Variants in KIF3C observed in about 807,000 individuals in gnomAD.
KIF3C encodes the protein kinesin-like protein KIF3C.
In KIF3C, 12 loss-of-function variants were observed where a neutral mutation model predicts 67.7. That is an observed-to-expected ratio of 0.18 (90% CI 0.11 to 0.29). The LOEUF (loss-of-function observed/expected upper bound fraction) is 0.29. KIF3C is among the 10% of genes least tolerant of loss of function. KIF3C has a pLI of 1.00. For missense variants in KIF3C, 789 were observed against 1,059.6 expected (o/e 0.74, Z 3.55); for synonymous variants, 393 against 426.2 (o/e 0.92, Z 0.96).
intron 1 of KIF3C, among the ~76,000 whole-genome samples, chr2:25,976,824 G>A (rs1664429820): frequency 6.6e-6 from 1 of 152,178 alleles, no homozygotes; most frequent in South Asian, 2.1e-4. Context: ...GATTACATTT[G>A]AATAAAGTAG....
rs368789999 is a variant in KIF3C at position 25,936,563 on chromosome 2, C to T, written c.2007-6500G>A. Among the ~76,000 whole-genome samples, 8 of 152,242 alleles carry T rather than the reference C, an allele frequency of 5.3e-5. No homozygotes were observed. In the East Asian group the frequency reaches 1.2e-3, roughly 22 times the overall value. On this transcript the variant is annotated intron_variant, in intron 5 of 7. Transcript: ENST00000264712. ...AGGAAATATGTATCTGTATGCCTGC[C>T]ATCCAGTTTTGTAAAGAATGCTGCT...
In KIF3C at chr2:25,931,399, G is replaced by A. The variant is rs141815051; in HGVS notation, c.2007-1336C>T. Among the ~76,000 whole-genome samples the A allele has an allele frequency of 4.6e-3, 706 of 152,034 alleles. 3 individuals carry two copies. The highest frequency in any genetic ancestry group is 0.016 in the African/African-American group (659 of 41,482). ...CTTGAACCTGGGAGGCGGAGGTTGT[G>A]GTGAGCCAAGATCACGCCATTGCAC... On this transcript the variant is annotated intron_variant, in intron 5 of 7. Coordinates refer to ENST00000264712, the MANE Select transcript of KIF3C (RefSeq NM_002254.8).
At position 25,955,780 on chromosome 2, in the gene KIF3C, T is replaced by TGGCCCAC. The variant is rs1232383621; in HGVS notation, c.1648-124_1648-118dup. ...CGGGACCTGGCTTCACCATGGCCCA[T>TGGCCCAC]GGCCCACATCCACTGCTCCCACCCA... On this transcript the variant is annotated intron_variant, in intron 2 of 7. Coordinates refer to ENST00000264712, the MANE Select transcript of KIF3C (RefSeq NM_002254.8). The surrounding 1 kb of genome is among the most constrained non-coding windows in gnomAD (Gnocchi z 5.0). The TGGCCCAC allele has an allele frequency of 1.5e-5, 19 of 1,228,880 alleles. No homozygotes were observed. Among genetic ancestry groups the TGGCCCAC allele is most frequent in the Middle Eastern group, 2.7e-4 (1 of 3,662 alleles). 76.1% of individuals were successfully genotyped at this position (1,228,880 alleles called of 1,614,324 possible).
chr2:25,964,835 C>A (rs1407294709), intron 1 of KIF3C, among the ~76,000 whole-genome samples: 1 of 152,170 alleles, frequency 6.6e-6, no homozygotes, highest in African/African-American at 2.4e-5. Context: ...GGGTCTGATG[C>A]ATTAGCCAAG....
At chr2:25,944,960 G>A (rs1353619117) in intron 5 of KIF3C, among the ~76,000 whole-genome samples, 3 of 151,870 alleles carry the variant, frequency 2.0e-5, no homozygotes, top group Admixed American at 1.3e-4. Context: ...GCGAAACCCC[G>A]CCTCTTCTAA....
chr2:25,968,616 A>G (rs999596575), intron 1 of KIF3C, among the ~76,000 whole-genome samples: 1 of 152,090 alleles, frequency 6.6e-6, no homozygotes, highest in Non-Finnish European at 1.5e-5. Context: ...CTAAGGATAT[A>G]TATAGTGTAG....
intron 1 of KIF3C, among the ~76,000 whole-genome samples, chr2:25,978,762 G>A (rs1664483200): frequency 2.0e-5 from 3 of 152,180 alleles, no homozygotes; most frequent in African/African-American, 7.2e-5. Flanking sequence ...GAGGTGGGGG[G>A]TCTTCTTAGC....
chr2:25,979,409 G>A (rs1029808732), intron 1 of KIF3C, among the ~76,000 whole-genome samples: 1 of 152,096 alleles, frequency 6.6e-6, no homozygotes, highest in Non-Finnish European at 1.5e-5. Context: ...GGGGTCGGTT[G>A]GCTTGCTGCT....
At chr2:25,939,099 C>T (rs1351359304) in intron 5 of KIF3C, among the ~76,000 whole-genome samples, 2 of 151,976 alleles carry the variant, frequency 1.3e-5, no homozygotes, top group African/African-American at 4.8e-5. Flanking sequence ...ATTCAAGTAG[C>T]TGGGATTACA....
At chr2:25,954,482 C>T (rs936715752) in intron 3 of KIF3C, 97 bp from the exon 4 acceptor site, 8 of 859,220 alleles carry the variant, frequency 9.3e-6, no homozygotes, top group Middle Eastern at 2.8e-4. Flanking sequence ...CAGAGTCTAC[C>T]GACTCAGCCC....
chr2:25,936,951 C>A (rs1160933530), intron 5 of KIF3C, among the ~76,000 whole-genome samples: 1 of 152,212 alleles, frequency 6.6e-6, no homozygotes, highest in Non-Finnish European at 1.5e-5. Context: ...AATGCTGGCT[C>A]TGCCCCTTCA....
intron 1 of KIF3C, among the ~76,000 whole-genome samples, chr2:25,976,760 C>A (rs945441544): frequency 6.6e-6 from 1 of 150,884 alleles, no homozygotes; most frequent in African/African-American, 2.4e-5. Flanking sequence ...AACTCCATCT[C>A]AAAAAAAAAG....
Position 25,980,487 on chromosome 2 carries a change from A to C in KIF3C, c.1431T>G (p.Asp477Glu). 3 of 1,614,100 alleles carry C rather than the reference A, an allele frequency of 1.9e-6. 1 individual carries two copies. The South Asian group carries it at 3.3e-5, about 18-fold the overall frequency. Residue 477 changes from aspartate (D) to glutamate (E), a missense_variant, in exon 1 of 8, where the codon GAT (aspartate) becomes GAG (glutamate). Asp to Glu is a conservative substitution (Grantham distance 45). Around this residue, in one of 2 missense-constraint regions of KIF3C, gnomAD observed 648 missense variants for 807.8 expected, o/e 0.80. Transcript: ENST00000264712. This position sits in a 1 kb window ranked among gnomAD's most constrained non-coding sequence, Gnocchi z 7.6. Reference sequence around the variant, plus strand: ...TCTCCTCGCTCACCAGGCTGCGGTCATCCTGGATGGCTGCCTTCTCCTCCT... The same window carrying C: ...TCTCCTCGCTCACCAGGCTGCGGTCCTCCTGGATGGCTGCCTTCTCCTCCT... The part of the protein sequence containing the change: ...RLEEEKAAIQ[D>E]DRSLVSEEKQ...
intron 1 of KIF3C, among the ~76,000 whole-genome samples, chr2:25,959,531 C>T (rs941910278): frequency 6.6e-6 from 1 of 152,028 alleles, no homozygotes; most frequent in Non-Finnish European, 1.5e-5. Context: ...CCTTCACCTG[C>T]CACGTTCAAG....
intron 1 of KIF3C, among the ~76,000 whole-genome samples, chr2:25,978,528 T>C (rs11895443): frequency 1.3e-5 from 2 of 151,920 alleles, no homozygotes; most frequent in African/African-American, 4.8e-5. Context: ...AAGACTGTGA[T>C]ATTTTGTGGG....
chr2:25,959,562 C>T (rs1056459932), intron 1 of KIF3C, among the ~76,000 whole-genome samples: 1 of 152,104 alleles, frequency 6.6e-6, no homozygotes, highest in African/African-American at 2.4e-5. Flanking sequence ...GCCTCAGCCT[C>T]CCACGTAGCT....
At chr2:25,962,659 G>A (rs4665296) in intron 1 of KIF3C, among the ~76,000 whole-genome samples, 19,910 of 144,624 alleles carry the variant, frequency 0.14, 3,725 homozygotes, top group East Asian at 0.88. Context: ...TTACAGGCAT[G>A]AGCCACTGTG....
chr2:25,965,073 C>A (rs966391384), intron 1 of KIF3C, among the ~76,000 whole-genome samples: 1 of 152,198 alleles, frequency 6.6e-6, no homozygotes, highest in East Asian at 1.9e-4. Flanking sequence ...CCCGTCTGTC[C>A]AATGCCCCTG....
intron 1 of KIF3C, among the ~76,000 whole-genome samples, chr2:25,972,857 CCT>C (rs1469628409): frequency 6.6e-6 from 1 of 152,102 alleles, no homozygotes; most frequent in African/African-American, 2.4e-5. Context: ...TTCTCTTTCC[CCT>C]CTTTATTGTC....
Sources: allele counts gnomAD v4.1 joint callset (sites outside exome capture counted in the v4.1 genomes callset), GRCh38; gene constraint gnomAD v4.1.1; regional missense constraint gnomAD v4.1.1; non-coding constraint Gnocchi (gnomAD v3.1); transcripts MANE v1.5; gene names NCBI Gene and HGNC (gene_info 2026-07-23, HGNC 2026-07-21).